The following MAML3 variants were observed in gnomAD, a reference collection of about 807,000 sequenced individuals.
MAML3 encodes mastermind like transcriptional coactivator 3, also known as mastermind-like protein 3.
A neutral mutation model predicts 101.9 loss-of-function variants in MAML3; 27 were observed. The ratio of observed to expected loss-of-function variants is 0.27; its 90% CI spans 0.20 to 0.37. MAML3 has a LOEUF of 0.37. MAML3 is among the 10% of genes least tolerant of loss of function. The pLI, the probability that MAML3 is intolerant of heterozygous loss-of-function variation, is 1.00. For synonymous variants in MAML3, 501 were observed against 555.9 expected (o/e 0.90, Z 1.39); for missense variants, 1,316 against 1,444.9 (o/e 0.91, Z 1.45).
intron 1 of MAML3, among the ~76,000 whole-genome samples, chr4:140,003,571 T>C (rs567933666): frequency 6.6e-6 from 1 of 152,302 alleles, no homozygotes; most frequent in South Asian, 2.1e-4. Context: ...CCTATCTCAC[T>C]GGCTTTGTCA....
intron 2 of MAML3, among the ~76,000 whole-genome samples, chr4:139,878,830 C>T (rs140705753): frequency 1.1e-4 from 16 of 152,254 alleles, no homozygotes; most frequent in Non-Finnish European, 2.2e-4. Context: ...GAGAACAGCC[C>T]GAAAGAGGCC....
intron 1 of MAML3, among the ~76,000 whole-genome samples, chr4:140,015,942 G>A (rs1466010082): frequency 1.3e-5 from 2 of 152,028 alleles, no homozygotes; most frequent in African/African-American, 2.4e-5. Context: ...AACAGAGCAA[G>A]ACGCCATCTC....
intron 1 of MAML3, among the ~76,000 whole-genome samples, chr4:140,014,218 A>G (rs560959479): frequency 1.3e-5 from 2 of 152,336 alleles, no homozygotes; most frequent in East Asian, 3.9e-4. Context: ...GCAATGCCAT[A>G]TGCTCATTTG....
intron 2 of MAML3, among the ~76,000 whole-genome samples, chr4:139,803,903 G>T (rs1387705176): frequency 6.6e-6 from 1 of 152,134 alleles, no homozygotes; most frequent in East Asian, 1.9e-4. Context: ...TGGGGTCTTG[G>T]TTCCAAATTC....
At chr4:139,772,100 C>T (rs1415691243) in intron 2 of MAML3, among the ~76,000 whole-genome samples, 3 of 151,064 alleles carry the variant, frequency 2.0e-5, no homozygotes, top group South Asian at 2.1e-4. Flanking sequence ...ATTAGCTGGG[C>T]GCGGTGGCAG....
intron 2 of MAML3, among the ~76,000 whole-genome samples, chr4:139,796,791 C>T (rs948005706): frequency 2.0e-5 from 3 of 152,002 alleles, no homozygotes; most frequent in Non-Finnish European, 4.4e-5. Flanking sequence ...GATCGCAAAT[C>T]AAAAGAGAAA....
chr4:139,849,339 G>A (rs530641193), intron 2 of MAML3, among the ~76,000 whole-genome samples: 1 of 152,326 alleles, frequency 6.6e-6, no homozygotes, highest in Admixed American at 6.5e-5. Context: ...AAGGAAAACT[G>A]TATGAACTGC....
At chr4:139,784,356 G>A (rs6812244) in intron 2 of MAML3, among the ~76,000 whole-genome samples, 50,492 of 152,020 alleles carry the variant, frequency 0.33, 8,536 homozygotes, top group Admixed American at 0.35. Context: ...TGCCTCTCCA[G>A]TGGCATTCCA....
intron 1 of MAML3, among the ~76,000 whole-genome samples, chr4:140,001,669 G>C (rs1734927715): frequency 6.6e-6 from 1 of 152,142 alleles, no homozygotes; most frequent in African/African-American, 2.4e-5. Flanking sequence ...ATATTTCCCA[G>C]TATATCCAGA....
At chr4:139,849,260 T>C (rs1274476374) in intron 2 of MAML3, among the ~76,000 whole-genome samples, 1 of 152,164 alleles carries the variant, frequency 6.6e-6, no homozygotes, top group Non-Finnish European at 1.5e-5. Context: ...TAGGTGTGAA[T>C]GCAAAGTTAG....
At chr4:139,760,981 G>A (rs950475449) in intron 2 of MAML3, among the ~76,000 whole-genome samples, 1 of 151,278 alleles carries the variant, frequency 6.6e-6, no homozygotes, top group East Asian at 1.9e-4. Flanking sequence ...TTTTTGAGAT[G>A]GAGTTTCACT....
chr4:139,917,561 A>G (rs751879280), intron 1 of MAML3, among the ~76,000 whole-genome samples: 5 of 152,224 alleles, frequency 3.3e-5, no homozygotes, highest in Non-Finnish European at 7.3e-5. Flanking sequence ...ATGGTTTGCT[A>G]TGTAGGAAGA....
chr4:140,008,279 G>A (rs779488552), intron 1 of MAML3, among the ~76,000 whole-genome samples: 3 of 152,298 alleles, frequency 2.0e-5, no homozygotes, highest in East Asian at 1.9e-4. Flanking sequence ...GCCAGGAGGC[G>A]GAGGTTGCAG....
chr4:140,069,342 GAGAAGGAGAAGGAGAAGGAGA>G (rs879853222), intron 1 of MAML3, among the ~76,000 whole-genome samples: 1,475 of 114,006 alleles, frequency 0.013, 21 homozygotes, highest in Non-Finnish European at 0.021. Context: ...GAAGGAGAAG[GAGAAGGAGAAGGAGAAGGAGA>G]AGAAGAAGAA....
chr4:139,951,443 G>A (rs555208190), intron 1 of MAML3, among the ~76,000 whole-genome samples: 2 of 152,372 alleles, frequency 1.3e-5, no homozygotes, highest in African/African-American at 2.4e-5. Context: ...TGAGGTCACA[G>A]GTTGGCCTGT....
chr4:139,789,421 G>A (rs1578601946), intron 2 of MAML3, among the ~76,000 whole-genome samples: 1 of 152,130 alleles, frequency 6.6e-6, no homozygotes, highest in African/African-American at 2.4e-5. Context: ...GGGGTGGGTA[G>A]AGGGCAAGCA....
At chr4:139,879,329 C>T (rs1452367531) in intron 2 of MAML3, among the ~76,000 whole-genome samples, 1 of 151,590 alleles carries the variant, frequency 6.6e-6, no homozygotes, top group African/African-American at 2.4e-5. Context: ...AGTTCGAGAC[C>T]AGCCTGGCCA....
intron 1 of MAML3, among the ~76,000 whole-genome samples, chr4:140,075,617 G>A (rs1475035877): frequency 6.6e-6 from 1 of 152,120 alleles, no homozygotes; most frequent in Admixed American, 6.5e-5. Context: ...ACTCACTGCA[G>A]CCTGGAACTC....
intron 1 of MAML3, among the ~76,000 whole-genome samples, chr4:139,934,934 G>C (rs1489053953): frequency 6.6e-6 from 1 of 152,162 alleles, no homozygotes; most frequent in Non-Finnish European, 1.5e-5. Context: ...AACAAAGCCA[G>C]GTTTCCTTAG....
Sources: gnomAD v4.1 joint callset for allele counts (sites outside exome capture counted in the v4.1 genomes callset) on GRCh38, gnomAD v4.1.1 for gene constraint, MANE v1.5 for transcripts, NCBI Gene and HGNC (gene_info 2026-07-23, HGNC 2026-07-21) for gene names.